NUP210: variants seen among roughly 807,000 people sequenced by gnomAD.
The protein encoded by NUP210 is nucleoporin 210, also known as nuclear pore membrane glycoprotein 210.
A neutral mutation model predicts 196.0 loss-of-function variants in NUP210; 151 were observed. The observed-to-expected ratio is 0.77, with a 90% CI of 0.67 to 0.88. The LOEUF (loss-of-function observed/expected upper bound fraction) is 0.88, where lower values mean the gene tolerates loss of function less well. Ranked by LOEUF, NUP210 falls within the 40% of genes least tolerant of loss-of-function variation. The probability of loss-of-function intolerance (pLI) is 0.00; values close to 1 mark genes in which losing one functional copy is unlikely to be tolerated. For missense variants in NUP210, 2,314 were observed against 2,493.7 expected (o/e 0.93, Z 1.53); for synonymous variants, 1,070 against 1,052.7 (o/e 1.02, Z -0.32).
At chr3:13,346,223 G>C (rs982538470) in intron 20 of NUP210, among the ~76,000 whole-genome samples, 1 of 152,218 alleles carries the variant, frequency 6.6e-6, no homozygotes, top group African/African-American at 2.4e-5. Flanking sequence ...CAGCGATGCT[G>C]TAAGGGCGTG....
chr3:13,419,017 T>C (rs1386607202), intron 1 of NUP210, among the ~76,000 whole-genome samples: 6 of 147,950 alleles, frequency 4.1e-5, no homozygotes, highest in Non-Finnish European at 7.4e-5. Flanking sequence ...CAGAGAAAGC[T>C]GGCTGGTCTG....
intron 6 of NUP210, 54 bp downstream of exon 6, chr3:13,386,220 CA>C: frequency 1.9e-6 from 3 of 1,575,954 alleles, no homozygotes; most frequent in Non-Finnish European, 2.6e-6. Flanking sequence ...TATGTAACCA[CA>C]ATAAAAAAAG....
chr3:13,322,077 CA>C, intron 35 of NUP210, 115 bp downstream of exon 35: 1 of 1,334,816 alleles, frequency 7.5e-7, no homozygotes, highest in Non-Finnish European at 1.0e-6. Flanking sequence ...GGGCTCCTGA[CA>C]ATCTCTGCCC....
chr3:13,337,816 G>C (rs1697278902), intron 26 of NUP210, 21 bp downstream of exon 26: 1 of 1,600,148 alleles, frequency 6.2e-7, no homozygotes, highest in Non-Finnish European at 8.5e-7. Context: ...CCAGGATTCA[G>C]AGCCCAGGAG....
At chr3:13,412,094 C>T (rs897099532) in intron 1 of NUP210, among the ~76,000 whole-genome samples, 7 of 152,060 alleles carry the variant, frequency 4.6e-5, no homozygotes, top group South Asian at 2.1e-4. Flanking sequence ...CACTCTGTTG[C>T]CCAGGCTGGA....
rs187701784 is a variant in NUP210, at chr3:13,386,426, C to T, written c.685-19G>A. 1,196 of 1,613,576 alleles carry T rather than the reference C, an allele frequency of 7.4e-4. 10 individuals carry two copies. In the African/African-American group the frequency reaches 0.015, roughly 20 times the overall value. On this transcript the variant is annotated intron_variant, in intron 5 of 39. Coordinates refer to ENST00000254508, the MANE Select transcript of NUP210 (RefSeq NM_024923.4). ...GTACATTCTTGGCATAAAGAAAAGG[C>T]AGACAAAGTGAGGTGCGGACAGGGA...
chr3:13,363,624 C>T (rs955313376), intron 14 of NUP210, among the ~76,000 whole-genome samples: 3 of 152,236 alleles, frequency 2.0e-5, no homozygotes, highest in Non-Finnish European at 2.9e-5. Context: ...ATATTCCTCA[C>T]GTGCAACAGA....
At chr3:13,370,189 A>G (rs779047432) in intron 13 of NUP210, among the ~76,000 whole-genome samples, 47 of 151,032 alleles carry the variant, frequency 3.1e-4, no homozygotes, top group Non-Finnish European at 3.4e-4. Flanking sequence ...CCTGGGCCCT[A>G]CACACCTCCC....
At chr3:13,404,764 T>C (rs1433665970) in intron 1 of NUP210, among the ~76,000 whole-genome samples, 1 of 152,180 alleles carries the variant, frequency 6.6e-6, no homozygotes, top group Non-Finnish European at 1.5e-5. Flanking sequence ...CCTATAGGTG[T>C]CCCTGGAGAT....
At chr3:13,414,097 A>G (rs1700266314) in intron 1 of NUP210, among the ~76,000 whole-genome samples, 1 of 152,246 alleles carries the variant, frequency 6.6e-6, no homozygotes, top group Non-Finnish European at 1.5e-5. Context: ...GGCAGGCCAT[A>G]GGGGAACTCA....
intron 3 of NUP210, among the ~76,000 whole-genome samples, chr3:13,394,870 T>C (rs140839728): frequency 6.6e-6 from 1 of 151,948 alleles, no homozygotes; most frequent in Admixed American, 6.6e-5. Context: ...AGAAAAGAGG[T>C]CACAGGCTCA....
intron 25 of NUP210, among the ~76,000 whole-genome samples, chr3:13,338,708 C>T (rs969449401): frequency 3.3e-5 from 5 of 152,186 alleles, no homozygotes; most frequent in Admixed American, 6.5e-5. Context: ...ATGGACAAGG[C>T]GCCGCAGGTG....
In NUP210 at chr3:13,379,846, T is replaced by C; in HGVS notation, c.818-125A>G. On this transcript the variant is annotated intron_variant, in intron 6 of 39. Transcript: ENST00000254508. The surrounding 1 kb of genome is among the most constrained non-coding windows in gnomAD (Gnocchi z 4.2). ...CTGCTCTCAGTACAGCTGACGCATT[T>C]TCTTAATTGTTTTCAGTGCTTTAAA... The C allele has an allele frequency of 1.4e-6, 1 of 722,018 alleles. No homozygotes were observed. Among genetic ancestry groups the C allele is most frequent in the Non-Finnish European group, 2.1e-6 (1 of 469,658 alleles). The allele number at this position is 722,018 out of a possible 1,614,324, so 44.7% of individuals were successfully genotyped here.
At chr3:13,345,054 C>A (rs750752848) in intron 20 of NUP210, 5 of 985,426 alleles carry the variant, frequency 5.1e-6, no homozygotes, top group Non-Finnish European at 6.0e-6. Context: ...CACTCACATG[C>A]CCTCGGGACT....
intron 31 of NUP210, 119 bp downstream of exon 31, chr3:13,328,652 A>C (rs1286839001): frequency 6.1e-6 from 6 of 983,416 alleles, no homozygotes; most frequent in African/African-American, 3.2e-5. Flanking sequence ...CATCTCTTGG[A>C]AACTGAAGTA....
chr3:13,328,793 CCGAA>C lies in NUP210; in HGVS notation c.4260_4263del (p.Ser1420ArgfsTer33). 6.2e-7 allele frequency: 1 copy of C among 1,614,126 alleles called. No homozygotes were observed. On this transcript the variant is annotated frameshift_variant, in exon 31 of 40. Coordinates refer to ENST00000254508, the MANE Select transcript of NUP210 (RefSeq NM_024923.4). LOFTEE classifies it high-confidence loss of function. ...TACCTGTTAGTGGCAAAGTTGAGGA[CCGAA>C]CTGTGAGCATGGAAGACATCTCCAG...
rs1292186559 is a variant in NUP210, at chr3:13,356,573, G to A, written c.2328+1649C>T. 2.6e-5 allele frequency among the ~76,000 whole-genome samples: 4 copies of A among 152,318 alleles called. No individual in the cohort carries two copies. The East Asian group carries it at 7.7e-4, about 29-fold the overall frequency. On this transcript the variant is annotated intron_variant, in intron 16 of 39. Coordinates refer to ENST00000254508, the MANE Select transcript of NUP210 (RefSeq NM_024923.4). ...CAGGAGAATCACTTGAACCTGGGAG[G>A]TGGAGGTTGCAGTGAGCCGAGATTG...
At chr3:13,363,170 C>T (rs1698424306) in intron 14 of NUP210, among the ~76,000 whole-genome samples, 1 of 152,210 alleles carries the variant, frequency 6.6e-6, no homozygotes, top group Non-Finnish European at 1.5e-5. Flanking sequence ...ATCAATGGCC[C>T]CTGCTGTTAG....
chr3:13,366,189 C>T (rs1698529634), intron 13 of NUP210, 98 bp from the exon 14 acceptor site: 2 of 1,254,542 alleles, frequency 1.6e-6, no homozygotes, highest in South Asian at 2.9e-5. Context: ...AGTACAGTGG[C>T]ATGATCTTGG....
Sources: gnomAD v4.1 joint callset for allele counts (sites outside exome capture counted in the v4.1 genomes callset) on GRCh38, gnomAD v4.1.1 for gene constraint, Gnocchi (gnomAD v3.1) non-coding constraint, MANE v1.5 for transcripts, NCBI Gene and HGNC (gene_info 2026-07-23, HGNC 2026-07-21) for gene names.